The following LMLN variants were observed in gnomAD, a reference collection of about 807,000 sequenced individuals.
LMLN encodes the protein leishmanolysin like peptidase, also known as leishmanolysin-like peptidase.
A neutral mutation model predicts 92.3 loss-of-function variants in LMLN; 70 were observed. That is an observed-to-expected ratio of 0.76 (90% confidence interval 0.63 to 0.92). The LOEUF (loss-of-function observed/expected upper bound fraction) is 0.92, where lower values mean the gene tolerates loss of function less well. Among genes scored for constraint, LMLN ranks in the 40% least tolerant of loss-of-function variants. LMLN has a pLI of 0.00. For synonymous variants in LMLN, 308 were observed against 296.2 expected, an observed-to-expected ratio of 1.04 and a Z score of -0.41; for missense variants, 691 against 814.6, an observed-to-expected ratio of 0.85 and a Z score of 1.85.
chr3:198,022,469 C>T (rs962956582), intron 13 of LMLN, among the ~76,000 whole-genome samples: 1 of 152,224 alleles, frequency 6.6e-6, no homozygotes, highest in African/African-American at 2.4e-5. Context: ...AAGGCATTTA[C>T]ATTCTAAATT....
At chr3:198,014,123 C>G (rs1319406982) in intron 11 of LMLN, among the ~76,000 whole-genome samples, 1 of 147,510 alleles carries the variant, frequency 6.8e-6, no homozygotes, top group Non-Finnish European at 1.5e-5. Context: ...AGTCTGACTT[C>G]TCTGTACCCT....
chr3:198,037,337 T>C (rs1723262552), intron 15 of LMLN, among the ~76,000 whole-genome samples: 1 of 152,216 alleles, frequency 6.6e-6, no homozygotes. Context: ...TACACAGTAC[T>C]CCAAGTGAGG....
chr3:198,027,993 T>A (rs1206791630), intron 14 of LMLN, among the ~76,000 whole-genome samples: 4 of 152,162 alleles, frequency 2.6e-5, no homozygotes, highest in Admixed American at 2.0e-4. Flanking sequence ...TTTATTATTA[T>A]TAATAGACTT....
chr3:197,981,594 A>C (rs1187776894), intron 6 of LMLN, among the ~76,000 whole-genome samples: 1 of 152,252 alleles, frequency 6.6e-6, no homozygotes, highest in East Asian at 1.9e-4. Flanking sequence ...CTTCATTTAC[A>C]AAAGATTTCA....
At chr3:198,028,372 AGTT>A (rs1320649989) in intron 14 of LMLN, among the ~76,000 whole-genome samples, 2 of 152,196 alleles carry the variant, frequency 1.3e-5, no homozygotes, top group Non-Finnish European at 2.9e-5. Context: ...AAGATAAATG[AGTT>A]GTTGAAATGG....
chr3:198,030,440 T>C (rs1226541740), intron 14 of LMLN, among the ~76,000 whole-genome samples: 1 of 152,222 alleles, frequency 6.6e-6, no homozygotes, highest in African/African-American at 2.4e-5. Flanking sequence ...AAGACCTTGT[T>C]TTTTTGCAAT....
chr3:198,017,978 A>G (rs2109931874), intron 11 of LMLN, among the ~76,000 whole-genome samples: 1 of 152,328 alleles, frequency 6.6e-6, no homozygotes, highest in Admixed American at 6.5e-5. Context: ...ATACATGATT[A>G]GTGGCTACCA....
chr3:198,032,536 T>C lies in LMLN; in HGVS notation c.1657-3297T>C, dbSNP rs193255666. Among the ~76,000 whole-genome samples the C allele has an allele frequency of 2.0e-3, 312 of 152,330 alleles. 2 individuals carry two copies. The highest frequency in any genetic ancestry group is 3.6e-3 in the Non-Finnish European group (242 of 68,026). Reference sequence around the variant, plus strand: ...AGAGGTTAATTTTGGCTTACAGTTCTGCAGACTACAGGAAGCATAAGTGCT... The same window carrying C: ...AGAGGTTAATTTTGGCTTACAGTTCCGCAGACTACAGGAAGCATAAGTGCT... On this transcript the variant is annotated intron_variant, in intron 14 of 15. Coordinates refer to ENST00000330198, the Ensembl canonical transcript of LMLN.
intron 9 of LMLN, among the ~76,000 whole-genome samples, chr3:197,992,089 C>CAAAAAAA (rs869163432): frequency 4.6e-5 from 3 of 65,624 alleles, no homozygotes; most frequent in Admixed American, 1.7e-4. Context: ...GACCCTGTCT[C>CAAAAAAA]AAAAAAAAAA....
At chr3:198,011,569 T>C (rs1411683862) in intron 11 of LMLN, among the ~76,000 whole-genome samples, 3 of 151,232 alleles carry the variant, frequency 2.0e-5, no homozygotes. Flanking sequence ...TTGTGAATAG[T>C]GCCGCAATAA....
chr3:198,010,349 A>G (rs1459046731), intron 11 of LMLN, among the ~76,000 whole-genome samples: 2 of 151,882 alleles, frequency 1.3e-5, no homozygotes, highest in Admixed American at 6.6e-5. Flanking sequence ...GGATTTCACC[A>G]TGTTGGCCAG....
intron 11 of LMLN, among the ~76,000 whole-genome samples, chr3:198,012,724 C>A (rs568958905): frequency 1.8e-4 from 27 of 150,968 alleles, no homozygotes; most frequent in Non-Finnish European, 3.5e-4. Context: ...CTTCTCTGTA[C>A]CCTTCAGAGC....
At chr3:198,035,078 TG>T (rs1723175122) in intron 14 of LMLN, among the ~76,000 whole-genome samples, 1 of 151,874 alleles carries the variant, frequency 6.6e-6, no homozygotes, top group African/African-American at 2.4e-5. Context: ...GGCACATGCC[TG>T]TAGTCCCAGC....
At position 197,960,309 on chromosome 3, in the gene LMLN, C is replaced by G. The variant is rs143292948; in HGVS notation, c.88C>G (p.Arg30Gly). 2.9e-4 allele frequency: 467 copies of G among 1,613,794 alleles called. No individual in the cohort carries two copies. The highest frequency in any genetic ancestry group is 3.7e-4 in the Non-Finnish European group (431 of 1,179,918). The change falls in exon 1 of 16, where the codon CGC (arginine) becomes GGC (glycine). Residue 30 changes from arginine (R) to glycine (G), a missense_variant. Around this residue, in one of 4 missense-constraint regions of LMLN, gnomAD observed 91 missense variants for 52.5 expected, o/e 1.73. Coordinates refer to ENST00000330198, the Ensembl canonical transcript of LMLN. The stretch of plus-strand genomic sequence containing the variant: ...CTCAGGCCCGGGCCGGAGCCGGTGG[C>G]GCTGGAGCGGGTCTGTGTGGGTCCG...
chr3:197,988,481 C>CTTTTT (rs67505779), intron 8 of LMLN, among the ~76,000 whole-genome samples: 17 of 42,028 alleles, frequency 4.0e-4, no homozygotes, highest in East Asian at 7.9e-4. Flanking sequence ...GGATTTACCC[C>CTTTTT]TTTTTTTTTT....
intron 11 of LMLN, among the ~76,000 whole-genome samples, chr3:198,010,066 A>G (rs1401837140): frequency 3.3e-5 from 5 of 151,912 alleles, no homozygotes; most frequent in Admixed American, 6.6e-5. Flanking sequence ...GATGTCTTCT[A>G]TTGTTTTTTT....
At chr3:198,012,713 C>T (rs34656253) in intron 11 of LMLN, among the ~76,000 whole-genome samples, 2 of 112,216 alleles carry the variant, frequency 1.8e-5, no homozygotes, top group Non-Finnish European at 3.6e-5. Context: ...AACTAGTCTG[C>T]CTTCTCTGTA....
intron 4 of LMLN, 59 bp from the exon 5 acceptor site, chr3:197,976,539 A>G: frequency 1.0e-6 from 1 of 953,534 alleles, no homozygotes; most frequent in Non-Finnish European, 1.6e-6. Context: ...CCATGTTTTT[A>G]ACTGCTATAA....
rs540800133 is a variant in LMLN at position 197,976,969 on chromosome 3, C to A, written c.549+254C>A. ...TCTGCTGAATCACTTTAGCTTAGAA[C>A]ATTATCTTGTCTTCCAAAATATCTT... On this transcript the variant is annotated intron_variant, in intron 5 of 15. Coordinates refer to ENST00000330198, the Ensembl canonical transcript of LMLN. Among the ~76,000 whole-genome samples the A allele has an allele frequency of 7.9e-5, 12 of 152,332 alleles. No individual in the cohort carries two copies. The South Asian group carries it at 2.3e-3, about 29-fold the overall frequency.
Sources: allele counts gnomAD v4.1 joint callset (sites outside exome capture counted in the v4.1 genomes callset), GRCh38; gene constraint gnomAD v4.1.1; regional missense constraint gnomAD v4.1.1; transcripts MANE v1.5; gene names NCBI Gene and HGNC (gene_info 2026-07-23, HGNC 2026-07-21).